Variants in KDM4C observed in about 807,000 individuals in gnomAD.
The protein encoded by KDM4C is lysine demethylase 4C.
A neutral mutation model predicts 129.3 loss-of-function variants in KDM4C; 81 were observed. The ratio of observed to expected loss-of-function variants is 0.63; its 90% confidence interval spans 0.52 to 0.75. The LOEUF (loss-of-function observed/expected upper bound fraction) is 0.75. Among genes scored for constraint, KDM4C ranks in the 30% least tolerant of loss-of-function variants. The probability of loss-of-function intolerance (pLI) is 0.00; values close to 1 mark genes in which losing one functional copy is unlikely to be tolerated. For synonymous variants in KDM4C, 573 were observed against 456.1 expected (o/e 1.26, Z -3.26); for missense variants, 1,457 against 1,304.0 (o/e 1.12, Z -1.81).
At position 6,845,568 on chromosome 9, in the gene KDM4C, C is replaced by T. The variant is rs546859221; in HGVS notation, c.436-3939C>T. Reference sequence around the variant, plus strand: ...TCCTGATAGGAGGAAGATACTATCACTGATTGAAAGGGAATATCCCTAATA... The same window carrying T: ...TCCTGATAGGAGGAAGATACTATCATTGATTGAAAGGGAATATCCCTAATA... On this transcript the variant is annotated intron_variant, in intron 4 of 21. Coordinates refer to ENST00000381309, the MANE Select transcript of KDM4C (RefSeq NM_015061.6). Among the ~76,000 whole-genome samples, 10 of 152,252 alleles carry T rather than the reference C, an allele frequency of 6.6e-5. No individual in the cohort carries two copies. In the South Asian group the frequency reaches 2.1e-3, roughly 32 times the overall value.
intron 4 of KDM4C, among the ~76,000 whole-genome samples, chr9:6,847,872 C>G (rs1289539365): frequency 6.6e-6 from 1 of 151,934 alleles, no homozygotes; most frequent in South Asian, 2.1e-4. Context: ...GTTTTTTAAC[C>G]CCAAAGCTTT....
intron 17 of KDM4C, among the ~76,000 whole-genome samples, chr9:7,052,900 A>AGAGAGAGAGC (rs1564049799): frequency 3.0e-4 from 3 of 10,006 alleles, no homozygotes; most frequent in East Asian, 2.2e-3. Context: ...AGAGAGAGAG[A>AGAGAGAGAGC]GCGAGCGAGT....
At chr9:7,133,878 G>A (rs1435571041) in intron 19 of KDM4C, among the ~76,000 whole-genome samples, 2 of 152,140 alleles carry the variant, frequency 1.3e-5, no homozygotes, top group African/African-American at 2.4e-5. Context: ...GTGGGATCCC[G>A]GGAAACATTG....
intron 1 of KDM4C, among the ~76,000 whole-genome samples, chr9:6,750,431 T>A: frequency 6.8e-6 from 1 of 147,950 alleles, no homozygotes; most frequent in African/African-American, 2.5e-5. Flanking sequence ...AGATTGAGAC[T>A]CTGTCTCAAA....
At chr9:6,849,464 A>G in intron 4 of KDM4C, 43 bp from the exon 5 acceptor site, 1 of 1,456,156 alleles carries the variant, frequency 6.9e-7, no homozygotes, top group Non-Finnish European at 9.3e-7. Flanking sequence ...TTCATGGTTT[A>G]GTAAGATTTG....
At chr9:7,060,857 A>C (rs1831561124) in intron 17 of KDM4C, among the ~76,000 whole-genome samples, 1 of 152,066 alleles carries the variant, frequency 6.6e-6, no homozygotes, top group Admixed American at 6.6e-5. Flanking sequence ...GATTGTTTAG[A>C]GATGGTTTAC....
chr9:7,050,514 A>G (rs538650483), intron 17 of KDM4C, among the ~76,000 whole-genome samples: 143 of 151,900 alleles, frequency 9.4e-4, no homozygotes, highest in African/African-American at 3.3e-3. Context: ...ATGATATCCA[A>G]AAAAAAGTTG....
At chr9:7,170,263 C>A in intron 21 of KDM4C, 1 of 1,111,460 alleles carries the variant, frequency 9.0e-7, no homozygotes, top group African/African-American at 1.6e-5. Context: ...AGGAGTAGAT[C>A]AAAGGGGACT....
intron 6 of KDM4C, among the ~76,000 whole-genome samples, chr9:6,883,154 C>G (rs901448652): frequency 5.3e-5 from 8 of 152,180 alleles, no homozygotes; most frequent in Non-Finnish European, 1.2e-4. Flanking sequence ...TCATACCTCT[C>G]TCTTGGAAAT....
At chr9:7,095,103 C>A (rs555308773) in intron 17 of KDM4C, among the ~76,000 whole-genome samples, 2 of 152,332 alleles carry the variant, frequency 1.3e-5, no homozygotes, top group East Asian at 3.9e-4. Context: ...TTAAAAAATG[C>A]CTGGGGGAAG....
At chr9:6,834,119 A>C (rs1019025298) in intron 4 of KDM4C, among the ~76,000 whole-genome samples, 3 of 139,370 alleles carry the variant, frequency 2.2e-5, no homozygotes, top group African/African-American at 8.2e-5. Flanking sequence ...GCTCACTGCA[A>C]CCTCCGTCTT....
chr9:7,055,488 C>T (rs1052824816), intron 17 of KDM4C, among the ~76,000 whole-genome samples: 17 of 152,192 alleles, frequency 1.1e-4, no homozygotes, highest in African/African-American at 4.1e-4. Context: ...GAGCTACAAG[C>T]CTTTCCGTGT....
intron 3 of KDM4C, among the ~76,000 whole-genome samples, chr9:6,809,161 A>G (rs1443732319): frequency 6.6e-6 from 1 of 152,208 alleles, no homozygotes; most frequent in East Asian, 1.9e-4. Context: ...TGAAAATTTT[A>G]TATTTGATAT....
At chr9:7,132,745 G>C (rs1266359009) in intron 19 of KDM4C, among the ~76,000 whole-genome samples, 1 of 152,188 alleles carries the variant, frequency 6.6e-6, no homozygotes, top group Admixed American at 6.5e-5. Flanking sequence ...GGATCCTCTA[G>C]CATGCACCTG....
In KDM4C at chr9:7,018,730, C is replaced by G. The variant is rs563117280; in HGVS notation, c.2259+2801C>G. Among the ~76,000 whole-genome samples, 27 of 152,336 alleles carry G rather than the reference C, an allele frequency of 1.8e-4. No homozygotes were observed. The South Asian group carries it at 4.4e-3, about 25-fold the overall frequency. On this transcript the variant is annotated intron_variant, in intron 15 of 21. Coordinates refer to ENST00000381309, the MANE Select transcript of KDM4C (RefSeq NM_015061.6). ...TAGGGCCAGGCCTAGGCCACTCACC[C>G]TGATTCTAAAGCTGGTTCTGATTGA...
At chr9:7,145,504 T>C (rs991861239) in intron 19 of KDM4C, among the ~76,000 whole-genome samples, 9 of 152,014 alleles carry the variant, frequency 5.9e-5, no homozygotes, top group Non-Finnish European at 1.3e-4. Context: ...GCTCTATTTT[T>C]CCCCCAACTC....
chr9:7,039,238 G>A (rs1412614332), intron 15 of KDM4C, among the ~76,000 whole-genome samples: 1 of 151,838 alleles, frequency 6.6e-6, no homozygotes, highest in Non-Finnish European at 1.5e-5. Context: ...CCATTCAGTT[G>A]GATCTGGACA....
intron 14 of KDM4C, among the ~76,000 whole-genome samples, chr9:7,015,263 G>C (rs1313397415): frequency 6.6e-6 from 1 of 152,010 alleles, no homozygotes; most frequent in African/African-American, 2.4e-5. Flanking sequence ...AAATATTTCA[G>C]AATTCTCTTA....
chr9:7,145,110 G>A (rs894338560), intron 19 of KDM4C, among the ~76,000 whole-genome samples: 2 of 152,086 alleles, frequency 1.3e-5, no homozygotes, highest in African/African-American at 4.8e-5. Context: ...CCTCCTCCTC[G>A]GGTGTTGATC....
Sources: gnomAD v4.1 joint callset for allele counts (sites outside exome capture counted in the v4.1 genomes callset) on GRCh38, gnomAD v4.1.1 for gene constraint, MANE v1.5 for transcripts, NCBI Gene and HGNC (gene_info 2026-07-23, HGNC 2026-07-21) for gene names.